QSOX1: variants seen among roughly 807,000 people sequenced by gnomAD.
QSOX1 encodes quiescin sulfhydryl oxidase 1.
In QSOX1, 40 loss-of-function variants were observed where a neutral mutation model predicts 76.1. The ratio of observed to expected loss-of-function variants is 0.53; its 90% CI spans 0.41 to 0.68. The LOEUF (loss-of-function observed/expected upper bound fraction) is 0.68. Ranked by LOEUF, QSOX1 falls within the 30% of genes least tolerant of loss-of-function variation. The pLI is 0.00. For synonymous variants in QSOX1, 392 were observed against 413.1 expected, an observed-to-expected ratio of 0.95 and a Z score of 0.62; for missense variants, 931 against 974.3, an observed-to-expected ratio of 0.96 and a Z score of 0.59.
intron 1 of QSOX1, among the ~76,000 whole-genome samples, chr1:180,156,159 C>G (rs1014690809): frequency 2.0e-5 from 3 of 152,216 alleles, no homozygotes; most frequent in African/African-American, 4.8e-5. Context: ...AGGCACCTTA[C>G]TAAGTACTCG....
At chr1:180,176,396 C>T (rs1290124742) in intron 4 of QSOX1, among the ~76,000 whole-genome samples, 1 of 152,238 alleles carries the variant, frequency 6.6e-6, no homozygotes, top group Admixed American at 6.5e-5. Context: ...CAGGATTTCA[C>T]ATGCTCTATC....
intron 5 of QSOX1, among the ~76,000 whole-genome samples, chr1:180,180,407 A>G (rs1663001502): frequency 1.3e-5 from 2 of 152,084 alleles, no homozygotes; most frequent in Non-Finnish European, 2.9e-5. Flanking sequence ...ACGTGGTTTC[A>G]CCATTTTGGT....
chr1:180,162,466 T>G (rs1662511840), intron 1 of QSOX1, among the ~76,000 whole-genome samples: 1 of 152,024 alleles, frequency 6.6e-6, no homozygotes, highest in South Asian at 2.1e-4. Context: ...CTGGGCATGG[T>G]GGCTCATGAC....
At position 180,197,670 on chromosome 1, in the gene QSOX1, G is replaced by A; in HGVS notation, c.*633G>A. On this transcript the variant is annotated 3_prime_UTR_variant, in exon 12 of 12. Transcript: ENST00000367602. ...TGAGGCAAGCCATGGTTGCTGGGCT[G>A]TAGGGTGAGTGGCTTGCTTGGTGGG... is the stretch of plus-strand genomic sequence containing the variant. The A allele has an allele frequency of 2.5e-6, 1 of 406,804 alleles. No individual in the cohort carries two copies. Among genetic ancestry groups the A allele is most frequent in the South Asian group, 2.9e-5 (1 of 34,914 alleles). 25.2% of individuals were successfully genotyped at this position (406,804 alleles called of 1,614,324 possible).
intron 9 of QSOX1, 89 bp from the exon 10 acceptor site, chr1:180,190,344 T>G: frequency 6.9e-7 from 1 of 1,443,798 alleles, no homozygotes; most frequent in Non-Finnish European, 9.6e-7. Flanking sequence ...ACCTCATTTG[T>G]CTTAGGGCTG....
At chr1:180,170,255 G>A (rs777732892) in intron 2 of QSOX1, among the ~76,000 whole-genome samples, 20 of 152,284 alleles carry the variant, frequency 1.3e-4, no homozygotes, top group Non-Finnish European at 2.8e-4. Flanking sequence ...GATGTCTCCT[G>A]TCTCTCTCTG....
intron 2 of QSOX1, among the ~76,000 whole-genome samples, chr1:180,169,524 A>C (rs1662714244): frequency 6.6e-6 from 1 of 152,246 alleles, no homozygotes; most frequent in African/African-American, 2.4e-5. Flanking sequence ...ACATGGGATG[A>C]TAACATCCAC....
chr1:180,168,634 T>TA (rs1261024290), intron 2 of QSOX1, among the ~76,000 whole-genome samples: 2 of 152,258 alleles, frequency 1.3e-5, no homozygotes, highest in East Asian at 1.9e-4. Flanking sequence ...ACAAGATTCT[T>TA]ACTAAGTGCA....
intron 1 of QSOX1, among the ~76,000 whole-genome samples, chr1:180,164,757 G>A (rs1443791999): frequency 6.6e-6 from 1 of 152,198 alleles, no homozygotes; most frequent in Admixed American, 6.5e-5. Flanking sequence ...GAGTATTAGG[G>A]TGTTTTTGCA....
rs190382674 is a variant in QSOX1 at position 180,181,211 on chromosome 1, C to T, written c.607-963C>T. On this transcript the variant is annotated intron_variant, in intron 5 of 11. Transcript: ENST00000367602. Reference sequence around the variant, plus strand: ...ATGACTGATGTATATTTTTCTGATTCGGAGTCTAGATAGGAAGCTTTATAA... The same window carrying T: ...ATGACTGATGTATATTTTTCTGATTTGGAGTCTAGATAGGAAGCTTTATAA... 1.2e-4 allele frequency among the ~76,000 whole-genome samples: 19 copies of T among 152,068 alleles called. No individual in the cohort carries two copies. The East Asian group carries it at 2.3e-3, about 19-fold the overall frequency.
At chr1:180,176,634 G>T (rs12075418) in intron 4 of QSOX1, among the ~76,000 whole-genome samples, 14,077 of 152,160 alleles carry the variant, frequency 0.093, 988 homozygotes, top group East Asian at 0.39. Context: ...AGACAGTAAG[G>T]TGCATGGTCT....
In QSOX1 at chr1:180,203,293, GA is replaced by G. The variant is rs1433033349; in HGVS notation, c.*6261del. 6.6e-6 allele frequency: 1 copy of G among 152,090 alleles called. No homozygotes were observed. Among genetic ancestry groups the G allele is most frequent in the Non-Finnish European group, 1.5e-5 (1 of 68,008 alleles). 9.4% of individuals were successfully genotyped at this position (152,090 alleles called of 1,614,324 possible). A position where few individuals can be genotyped will look rare whatever the true frequency, so the allele number is the denominator to read the frequency against. On this transcript the variant is annotated 3_prime_UTR_variant, in exon 12 of 12. Transcript: ENST00000367602. ...TTATATATATGCTAACGTTTGTCTA[GA>G]AAAAGTCTAGAAAAATACACACTGA...
intron 5 of QSOX1, among the ~76,000 whole-genome samples, chr1:180,179,958 C>A (rs556292176): frequency 6.6e-6 from 1 of 152,214 alleles, no homozygotes; most frequent in Non-Finnish European, 1.5e-5. Context: ...GGAATCAGGT[C>A]TTTTCCCTCC....
At position 180,196,743 on chromosome 1, in the gene QSOX1, A is replaced by G. The variant is rs1663501169; in HGVS notation, c.1950A>G (p.Ala650=). The G allele has an allele frequency of 6.2e-7, 1 of 1,614,132 alleles. No homozygotes were observed. The highest frequency in any genetic ancestry group is 1.3e-5 in the African/African-American group (1 of 75,076). ...WHLSKRDTGA[A]LLAESRAEKN... is the part of the protein sequence containing the mutation. ...TGAGCAAGCGAGACACAGGGGCTGC[A>G]TTGCTGGCTGAGTCCAGGGCTGAGA... is the stretch of plus-strand genomic sequence containing the variant. The change falls in exon 12 of 12, where the codon GCA becomes GCG. Residue 650 remains alanine, a synonymous_variant. Coordinates refer to ENST00000367602, the MANE Select transcript of QSOX1 (RefSeq NM_002826.5). The surrounding 1 kb of genome is among the most constrained non-coding windows in gnomAD (Gnocchi z 4.1).
chr1:180,155,797 C>T (rs907758412), intron 1 of QSOX1, among the ~76,000 whole-genome samples: 2 of 152,216 alleles, frequency 1.3e-5, no homozygotes, highest in Non-Finnish European at 2.9e-5. Context: ...CCTCCAGCTC[C>T]TTAGCTTCTG....
intron 10 of QSOX1, among the ~76,000 whole-genome samples, chr1:180,190,928 T>A (rs1663292934): frequency 6.6e-6 from 1 of 152,234 alleles, no homozygotes; most frequent in Non-Finnish European, 1.5e-5. Context: ...TTTTTTATAC[T>A]CTTAACAAAG....
intron 2 of QSOX1, among the ~76,000 whole-genome samples, chr1:180,167,822 C>T (rs1270649489): frequency 6.6e-6 from 1 of 152,230 alleles, no homozygotes; most frequent in Non-Finnish European, 1.5e-5. Context: ...GCCTTCCTGG[C>T]AGGGACATGG....
At chr1:180,159,682 G>A (rs1662450995) in intron 1 of QSOX1, among the ~76,000 whole-genome samples, 1 of 152,214 alleles carries the variant, frequency 6.6e-6, no homozygotes, top group Non-Finnish European at 1.5e-5. Context: ...GCTGAAACTG[G>A]CTTGTTTGAA....
Position 180,197,478 on chromosome 1 carries a change from C to T in QSOX1, c.*441C>T. On this transcript the variant is annotated 3_prime_UTR_variant, in exon 12 of 12. Coordinates refer to ENST00000367602, the MANE Select transcript of QSOX1 (RefSeq NM_002826.5). ...CTCCTCACTAGCTGCTGGGGCTCCG[C>T]CCACCCTGCTCCCTTCCGGACAATG... 1.5e-6 allele frequency: 2 copies of T among 1,326,726 alleles called. No individual in the cohort carries two copies. Among genetic ancestry groups the T allele is most frequent in the South Asian group, 1.2e-5 (1 of 80,664 alleles). 82.2% of individuals were successfully genotyped at this position (1,326,726 alleles called of 1,614,324 possible).
Sources: gnomAD v4.1 joint callset for allele counts (sites outside exome capture counted in the v4.1 genomes callset) on GRCh38, gnomAD v4.1.1 for gene constraint, Gnocchi (gnomAD v3.1) non-coding constraint, MANE v1.5 for transcripts, NCBI Gene and HGNC (gene_info 2026-07-23, HGNC 2026-07-21) for gene names.